HOXA11: variants seen among roughly 807,000 people sequenced by gnomAD.
HOXA11 encodes homeobox A11.
HOXA11 carries 8 observed loss-of-function variants against 22.5 expected under a neutral mutation model. The ratio of observed to expected loss-of-function variants is 0.36; its 90% CI spans 0.21 to 0.64. HOXA11 has a LOEUF of 0.64. HOXA11 is among the 30% of genes least tolerant of loss of function. The pLI, the probability that HOXA11 is intolerant of heterozygous loss-of-function variation, is 0.67. For synonymous variants in HOXA11, 211 were observed against 188.4 expected (o/e 1.12, Z -0.98); for missense variants, 388 against 429.0 (o/e 0.90, Z 0.84).
At position 27,182,650 on chromosome 7, in the gene HOXA11, C is replaced by T. The variant is rs941614614; in HGVS notation, c.*146G>A. The T allele has an allele frequency of 4.2e-6, 3 of 713,052 alleles. No individual in the cohort carries two copies. The African/African-American group carries it at 5.2e-5, about 12-fold the overall frequency. 44.2% of individuals were successfully genotyped at this position (713,052 alleles called of 1,614,324 possible). ...AGATCTTAATCAAGAGAGTCCCAGA[C>T]CACCTCCTGTGGGGCTATCTCCATG... On this transcript the variant is annotated 3_prime_UTR_variant, in exon 2 of 2. Transcript: ENST00000006015.
rs762976354 is a variant in HOXA11 at position 27,185,150 on chromosome 7, G to A, written c.-6C>T. On this transcript the variant is annotated 5_prime_UTR_variant, in exon 1 of 2. Transcript: ENST00000006015. ...CCACGCTCATCAAAATCCATTATTG[G>A]GCTACCTTGGGCTCTCCGCAGTAGC... The A allele has an allele frequency of 6.2e-7, 1 of 1,613,564 alleles. No individual in the cohort carries two copies. The highest frequency in any genetic ancestry group is 1.3e-5 in the African/African-American group (1 of 74,896).
intron 1 of HOXA11, among the ~76,000 whole-genome samples, chr7:27,184,136 A>G (rs1783815943): frequency 6.6e-6 from 1 of 152,140 alleles, no homozygotes; most frequent in Non-Finnish European, 1.5e-5. Context: ...CCGGCTCCCC[A>G]GCCTGGAGCT....
rs1239749144 is a variant in HOXA11 at position 27,184,945 on chromosome 7, A to G, written c.200T>C (p.Ile67Thr). 6.2e-6 allele frequency: 10 copies of G among 1,613,694 alleles called. No homozygotes were observed. Among genetic ancestry groups the G allele is most frequent in the African/African-American group, 2.7e-5 (2 of 74,924 alleles). The change falls in exon 1 of 2, where the codon ATT becomes ACT. Residue 67 changes from isoleucine (I) to threonine (T), a missense_variant. Transcript: ENST00000006015. Reference sequence around the variant, plus strand: ...GGGGTGCCATTTAGTGGCGGGCTCAATGGCGTACTCTCTGAAGGTCACTTC... The same window carrying G: ...GGGGTGCCATTTAGTGGCGGGCTCAGTGGCGTACTCTCTGAAGGTCACTTC... ...VREVTFREYA[I>T]EPATKWHPRG...
rs933009674 is a variant in HOXA11 at position 27,181,596 on chromosome 7, C to T, written c.*1200G>A. 5 of 188,332 alleles carry T rather than the reference C, an allele frequency of 2.7e-5. No homozygotes were observed. Among genetic ancestry groups the T allele is most frequent in the East Asian group, 1.7e-4 (2 of 11,800 alleles). 11.7% of individuals were successfully genotyped at this position (188,332 alleles called of 1,614,324 possible). A position where few individuals can be genotyped will look rare whatever the true frequency, so the allele number is the denominator to read the frequency against. On this transcript the variant is annotated 3_prime_UTR_variant, in exon 2 of 2. Coordinates refer to ENST00000006015, the MANE Select transcript of HOXA11 (RefSeq NM_005523.6). ...ACATTCAAATATTCTTAGCAGTGAG[C>T]GAGTTTAACCACGGAACACTGTAAA...
At position 27,184,881 on chromosome 7, in the gene HOXA11, G is replaced by T. The variant is rs764116994; in HGVS notation, c.264C>A (p.Leu88=). 3.1e-6 allele frequency: 5 copies of T among 1,613,880 alleles called. No individual in the cohort carries two copies. The highest frequency in any genetic ancestry group is 8.5e-7 in the Non-Finnish European group (1 of 1,179,970). Residue 88 remains leucine, a synonymous_variant, in exon 1 of 2, where the codon CTC becomes CTA. Coordinates refer to ENST00000006015, the MANE Select transcript of HOXA11 (RefSeq NM_005523.6). The part of the protein sequence containing the change: ...NLAHCYSAEE[L]VHRDCLQAPS... ...GCGCCTGCAGGCAGTCTCTGTGCAC[G>T]AGCTCCTCCGCGGAGTAGCAGTGGG...
chr7:27,184,823 C>T lies in HOXA11; in HGVS notation c.322G>A (p.Ala108Thr). The T allele has an allele frequency of 6.2e-7, 1 of 1,613,636 alleles. No homozygotes were observed. Among genetic ancestry groups the T allele is most frequent in the Non-Finnish European group, 8.5e-7 (1 of 1,179,702 alleles). ...SAAGVPGDVLAKSSANVYHHP... is the reference protein window; with the variant it reads ...SAAGVPGDVLTKSSANVYHHP... ...TGGTAGACGTTGGCCGAGCTCTTGG[C>T]CAGCACGTCGCCAGGCACGCCGGCC... Residue 108 changes from alanine to threonine, a missense_variant, in exon 1 of 2, where the codon GCC (alanine) becomes ACC (threonine). Coordinates refer to ENST00000006015, the MANE Select transcript of HOXA11 (RefSeq NM_005523.6).
At chr7:27,184,339 TA>T in intron 1 of HOXA11, 96 bp downstream of exon 1, 4 of 1,244,438 alleles carry the variant, frequency 3.2e-6, no homozygotes, top group Non-Finnish European at 4.5e-6. Flanking sequence ...ATAAACCTTA[TA>T]TGCTTATAAA....
In HOXA11 at chr7:27,182,499, G is replaced by T. The variant is rs113615033; in HGVS notation, c.*297C>A. ...GGGTCTGGCAGGGGCCCAATCCCCA[G>T]TGGAGACCACACCCAGCCCGCAGCT... On this transcript the variant is annotated 3_prime_UTR_variant, in exon 2 of 2. Transcript: ENST00000006015. 2,331 of 488,338 alleles carry T rather than the reference G, an allele frequency of 4.8e-3. 46 individuals are homozygous for T. Among genetic ancestry groups the T allele is most frequent in the African/African-American group, 0.04 (2,064 of 52,180 alleles). The allele number at this position is 488,338 out of a possible 1,614,324, so 30.3% of individuals were successfully genotyped here.
Position 27,185,227 on chromosome 7 carries a change from A to T in HOXA11, c.-83T>A. The T allele has an allele frequency of 6.3e-7, 1 of 1,596,570 alleles. No individual in the cohort carries two copies. Among genetic ancestry groups the T allele is most frequent in the Non-Finnish European group, 8.6e-7 (1 of 1,168,822 alleles). On this transcript the variant is annotated 5_prime_UTR_variant, in exon 1 of 2. Transcript: ENST00000006015. ...GCTGCCTCTTTGAAGCGGATCCGTG[A>T]AGTAGAAATTTGGAGACGTAAGCTG...
rs370411558 is a variant in HOXA11 at position 27,181,316 on chromosome 7, T to C, written c.*1480A>G. 1.3e-5 allele frequency among the ~76,000 whole-genome samples: 2 copies of C among 152,244 alleles called. No individual in the cohort carries two copies. The highest frequency in any genetic ancestry group is 4.2e-4 in the South Asian group (2 of 4,818). ...ACACAGGGAGGCAAAGGAGATTCAA[T>C]GGGAGGGTGCCTGGCTTTCCCAGAT... On this transcript the variant is annotated 3_prime_UTR_variant, in exon 2 of 2. Transcript: ENST00000006015.
chr7:27,181,206 T>C lies in HOXA11; in HGVS notation c.*1590A>G, dbSNP rs1783759142. Among the ~76,000 whole-genome samples the C allele has an allele frequency of 6.6e-6, 1 of 152,118 alleles. No individual in the cohort carries two copies. The highest frequency in any genetic ancestry group is 6.5e-5 in the Admixed American group (1 of 15,278). ...CCTTGTGCCCAGTTGCCTGTATAAG[T>C]GCTGCAACACACACGGTGGGTAAGA... On this transcript the variant is annotated 3_prime_UTR_variant, in exon 2 of 2. Transcript: ENST00000006015.
chr7:27,184,667 G>A lies in HOXA11; in HGVS notation c.478C>T (p.Pro160Ser). 1 of 1,612,372 alleles carries A rather than the reference G, an allele frequency of 6.2e-7. No homozygotes were observed. The highest frequency in any genetic ancestry group is 8.5e-7 in the Non-Finnish European group (1 of 1,179,612). Residue 160 changes from proline (P) to serine (S), a missense_variant, in exon 1 of 2, where the codon CCC becomes TCC. Transcript: ENST00000006015. ...TPENLASSDY[P>S]GDKSAEKGPP... ...CCCTTCTCGGCGCTCTTGTCCCCGG[G>A]GTAGTCGGAGGAGGCGAGGTTTTCC...
chr7:27,184,776 C>T lies in HOXA11; in HGVS notation c.369G>A (p.Ser123=), dbSNP rs758601680. 2 of 1,613,900 alleles carry T rather than the reference C, an allele frequency of 1.2e-6. No individual in the cohort carries two copies. Among genetic ancestry groups the T allele is most frequent in the Non-Finnish European group, 1.7e-6 (2 of 1,179,950 alleles). The part of the protein sequence containing the change: ...NVYHHPTPAV[S]SNFYSTVGRN... ...TGCCCACGGTGCTATAGAAATTGGACGAGACTGCGGGGGTGGGGTGGTGGT... is the reference window on the plus strand; with the variant it reads ...TGCCCACGGTGCTATAGAAATTGGATGAGACTGCGGGGGTGGGGTGGTGGT... Residue 123 remains serine, a synonymous_variant, in exon 1 of 2, where the codon TCG becomes TCA. Transcript: ENST00000006015.
intron 1 of HOXA11, 42 bp downstream of exon 1, chr7:27,184,394 A>T: frequency 6.4e-7 from 1 of 1,558,920 alleles, no homozygotes; most frequent in South Asian, 1.2e-5. Context: ...TAGATTTCCA[A>T]CTCCCCTTTC....
rs769937028 is a variant in HOXA11 at position 27,184,437 on chromosome 7, G to A, written c.708C>T (p.Ser236=). 6.3e-6 allele frequency: 10 copies of A among 1,576,474 alleles called. No homozygotes were observed. In the African/African-American group the frequency reaches 1.1e-4, roughly 17 times the overall value. ...GCAGGGCGCTGCCTTTATACGTACTGGAGCCGCCGGCCTTGTCCTCAGTGT... is the reference window on the plus strand; with the variant it reads ...GCAGGGCGCTGCCTTTATACGTACTAGAGCCGCCGGCCTTGTCCTCAGTGT... ...SGHTEDKAGG[S]SGQRTRKKRC... is the part of the protein sequence containing the mutation. Residue 236 remains serine, a splice_region_variant and synonymous_variant, in exon 1 of 2, where the codon TCC becomes TCT. Coordinates refer to ENST00000006015, the MANE Select transcript of HOXA11 (RefSeq NM_005523.6).
Position 27,182,599 on chromosome 7 carries a change from A to G in HOXA11, c.*197T>C, listed in dbSNP as rs955429186. On this transcript the variant is annotated 3_prime_UTR_variant, in exon 2 of 2. Transcript: ENST00000006015. ...GCTGATGCACAGCTCTCAGAATCCAATGATTATTAGGAATCTTAACCACTG... is the reference window on the plus strand; with the variant it reads ...GCTGATGCACAGCTCTCAGAATCCAGTGATTATTAGGAATCTTAACCACTG... 1.9e-5 allele frequency: 12 copies of G among 640,054 alleles called. No individual in the cohort carries two copies. The highest frequency in any genetic ancestry group is 1.1e-4 in the East Asian group (4 of 36,182). The allele number at this position is 640,054 out of a possible 1,614,324, so 39.6% of individuals were successfully genotyped here.
Position 27,182,613 on chromosome 7 carries a change from T to G in HOXA11, c.*183A>C. On this transcript the variant is annotated 3_prime_UTR_variant, in exon 2 of 2. Transcript: ENST00000006015. Reference sequence around the variant, plus strand: ...CTCAGAATCCAATGATTATTAGGAATCTTAACCACTGAGATCTTAATCAAG... The same window carrying G: ...CTCAGAATCCAATGATTATTAGGAAGCTTAACCACTGAGATCTTAATCAAG... 1 of 663,608 alleles carries G rather than the reference T, an allele frequency of 1.5e-6. No homozygotes were observed. The highest frequency in any genetic ancestry group is 2.2e-5 in the Admixed American group (1 of 45,714). 41.1% of individuals were successfully genotyped at this position (663,608 alleles called of 1,614,324 possible).
intron 1 of HOXA11, among the ~76,000 whole-genome samples, chr7:27,184,026 G>A (rs1297260192): frequency 2.0e-5 from 3 of 152,176 alleles, no homozygotes; most frequent in Admixed American, 6.5e-5. Flanking sequence ...GCCGGGACTG[G>A]AGTCCCGGCG....
At position 27,182,658 on chromosome 7, in the gene HOXA11, T is replaced by G. The variant is rs546991718; in HGVS notation, c.*138A>C. On this transcript the variant is annotated 3_prime_UTR_variant, in exon 2 of 2. Transcript: ENST00000006015. ...ATCAAGAGAGTCCCAGACCACCTCC[T>G]GTGGGGCTATCTCCATGCATCCCTC... The G allele has an allele frequency of 1.4e-6, 1 of 723,622 alleles. No individual in the cohort carries two copies. Among genetic ancestry groups the G allele is most frequent in the Non-Finnish European group, 2.6e-6 (1 of 391,974 alleles). 44.8% of individuals were successfully genotyped at this position (723,622 alleles called of 1,614,324 possible). A position where few individuals can be genotyped will look rare whatever the true frequency, so the allele number is the denominator to read the frequency against.
Sources: allele counts gnomAD v4.1 joint callset (sites outside exome capture counted in the v4.1 genomes callset), GRCh38; gene constraint gnomAD v4.1.1; transcripts MANE v1.5; gene names NCBI Gene and HGNC (gene_info 2026-07-23, HGNC 2026-07-21).